NT5C2: variants seen among roughly 807,000 people sequenced by gnomAD.
NT5C2 encodes the protein 5'-nucleotidase, cytosolic II, also known as cytosolic purine 5'-nucleotidase.
NT5C2 carries 58 observed loss-of-function variants against 76.1 expected under a neutral mutation model. The ratio of observed to expected loss-of-function variants is 0.76; its 90% CI spans 0.62 to 0.95. The LOEUF is 0.95. NT5C2 is among the 40% of genes least tolerant of loss of function. The pLI is 0.00. For missense variants in NT5C2, 478 were observed against 690.3 expected, an observed-to-expected ratio of 0.69 and a Z score of 3.45; for synonymous variants, 229 against 237.4, an observed-to-expected ratio of 0.96 and a Z score of 0.32.
intron 4 of NT5C2, among the ~76,000 whole-genome samples, chr10:103,136,060 C>A (rs576992686): frequency 6.6e-6 from 1 of 152,272 alleles, no homozygotes; most frequent in Admixed American, 6.5e-5. Context: ...GCACTCCAGC[C>A]TGGGAGACAG....
chr10:103,130,585 A>T (rs1195245066), intron 4 of NT5C2, among the ~76,000 whole-genome samples: 19 of 88,256 alleles, frequency 2.2e-4, no homozygotes, highest in Non-Finnish European at 4.3e-4. Flanking sequence ...ATAAAAATTA[A>T]AAAAAAAAAA....
At chr10:103,133,331 G>A (rs746728008) in intron 4 of NT5C2, among the ~76,000 whole-genome samples, 2 of 151,866 alleles carry the variant, frequency 1.3e-5, no homozygotes, top group Admixed American at 6.6e-5. Context: ...GCAGTGGCAC[G>A]ATGTCAGCTC....
intron 4 of NT5C2, chr10:103,124,923 ATAATT>A (rs965579184): frequency 1.3e-5 from 2 of 149,212 alleles, no homozygotes; most frequent in African/African-American, 2.4e-5. Context: ...TATATTTAAT[ATAATT>A]TAACAGAAAA....
At chr10:103,133,360 C>A (rs889215288) in intron 4 of NT5C2, among the ~76,000 whole-genome samples, 1 of 152,152 alleles carries the variant, frequency 6.6e-6, no homozygotes, top group Admixed American at 6.5e-5. Context: ...CTCCACCTCC[C>A]GGGTTCAAGT....
intron 1 of NT5C2, among the ~76,000 whole-genome samples, chr10:103,191,314 G>A (rs1433942783): frequency 6.6e-6 from 1 of 151,504 alleles, no homozygotes; most frequent in African/African-American, 2.4e-5. Context: ...CCCGGGAGGT[G>A]GAGGTTGCAA....
intron 3 of NT5C2, among the ~76,000 whole-genome samples, chr10:103,150,056 A>G (rs1391761043): frequency 1.3e-5 from 2 of 152,176 alleles, no homozygotes; most frequent in Non-Finnish European, 2.9e-5. Flanking sequence ...TCATTCCTCC[A>G]CCAACTTTAC....
intron 3 of NT5C2, among the ~76,000 whole-genome samples, chr10:103,162,048 G>A (rs1182677783): frequency 2.6e-5 from 4 of 151,904 alleles, no homozygotes; most frequent in Admixed American, 1.3e-4. Context: ...AGACATTCTC[G>A]CTCTGTTGCC....
chr10:103,180,401 T>C (rs931380772), intron 2 of NT5C2, among the ~76,000 whole-genome samples: 9 of 152,306 alleles, frequency 5.9e-5, no homozygotes, highest in African/African-American at 2.2e-4. Context: ...TTGTAAGTAA[T>C]TGTCCAAGAG....
intron 1 of NT5C2, among the ~76,000 whole-genome samples, chr10:103,183,275 A>AATATATATATTTTATATATATATATAT (rs1554841646): frequency 9.5e-6 from 1 of 104,934 alleles, no homozygotes; most frequent in Non-Finnish European, 2.0e-5. Context: ...ATATATATAT[A>AATATATATATTTTATATATATATATAT]TATATATATA....
At chr10:103,188,760 G>A (rs779162547) in intron 1 of NT5C2, among the ~76,000 whole-genome samples, 7 of 152,130 alleles carry the variant, frequency 4.6e-5, no homozygotes, top group East Asian at 1.9e-4. Flanking sequence ...CCAGCACTTC[G>A]GGAGGCTGAG....
intron 4 of NT5C2, among the ~76,000 whole-genome samples, chr10:103,126,557 G>T (rs2076695554): frequency 1.3e-5 from 2 of 152,218 alleles, no homozygotes; most frequent in Non-Finnish European, 2.9e-5. Flanking sequence ...GGAAGGCGGA[G>T]GTTGCAGTGA....
intron 4 of NT5C2, among the ~76,000 whole-genome samples, chr10:103,116,721 A>C (rs1200983098): frequency 6.7e-6 from 1 of 148,282 alleles, no homozygotes; most frequent in Non-Finnish European, 1.5e-5. Context: ...GCTTACCAAC[A>C]TCCACCACCA....
intron 6 of NT5C2, among the ~76,000 whole-genome samples, chr10:103,103,769 C>T (rs2070420956): frequency 6.6e-6 from 1 of 152,172 alleles, no homozygotes; most frequent in African/African-American, 2.4e-5. Context: ...TCTTTTCCAG[C>T]CTTGTCTACC....
intron 3 of NT5C2, among the ~76,000 whole-genome samples, chr10:103,147,015 A>G (rs2081587589): frequency 6.6e-6 from 1 of 152,266 alleles, no homozygotes; most frequent in South Asian, 2.1e-4. Flanking sequence ...TGTTGAATGT[A>G]GTAATAAAAA....
In NT5C2 at chr10:103,091,005, A is replaced by G. The variant is rs767489035; in HGVS notation, c.1212-9T>C. 6.2e-7 allele frequency: 1 copy of G among 1,611,738 alleles called. No homozygotes were observed. Among genetic ancestry groups the G allele is most frequent in the South Asian group, 1.1e-5 (1 of 91,066 alleles). On this transcript the variant is annotated splice_polypyrimidine_tract_variant and intron_variant, in intron 16 of 18. Coordinates refer to ENST00000404739, the MANE Select transcript of NT5C2 (RefSeq NM_001351169.2). The stretch of plus-strand genomic sequence containing the variant: ...TACTGCTGTCAAGATGCCTAAAGAT[A>G]AAAGAAAAACTCAGTGAAAATCTCT...
At chr10:103,122,113 G>T (rs1300842454) in intron 4 of NT5C2, among the ~76,000 whole-genome samples, 1 of 152,202 alleles carries the variant, frequency 6.6e-6, no homozygotes, top group Admixed American at 6.5e-5. Context: ...GGAGGGGGTT[G>T]TAGTGAGCCG....
chr10:103,169,121 G>A (rs2134443665), intron 3 of NT5C2, among the ~76,000 whole-genome samples: 1 of 151,980 alleles, frequency 6.6e-6, no homozygotes, highest in Middle Eastern at 3.4e-3. Context: ...AATTGCAAAG[G>A]GATTAGATTT....
At position 103,089,597 on chromosome 10, in the gene NT5C2, A is replaced by T; in HGVS notation, c.*75T>A. The T allele has an allele frequency of 6.8e-7, 1 of 1,477,608 alleles. No homozygotes were observed. Among genetic ancestry groups the T allele is most frequent in the Non-Finnish European group, 9.0e-7 (1 of 1,113,334 alleles). 91.5% of individuals were successfully genotyped at this position (1,477,608 alleles called of 1,614,324 possible). On this transcript the variant is annotated 3_prime_UTR_variant, in exon 19 of 19. Coordinates refer to ENST00000404739, the MANE Select transcript of NT5C2 (RefSeq NM_001351169.2). ...CCCTCCCTCCCCCGAGTAGAACCCT[A>T]ACAGGGACCTCGTTTGTTCCTGTGA...
At chr10:103,183,636 A>G (rs1294060190) in intron 1 of NT5C2, among the ~76,000 whole-genome samples, 1 of 150,064 alleles carries the variant, frequency 6.7e-6, no homozygotes, top group Non-Finnish European at 1.5e-5. Context: ...ATATATATAC[A>G]TATACATACA....
Sources: gnomAD v4.1 joint callset for allele counts (sites outside exome capture counted in the v4.1 genomes callset) on GRCh38, gnomAD v4.1.1 for gene constraint, MANE v1.5 for transcripts, NCBI Gene and HGNC (gene_info 2026-07-23, HGNC 2026-07-21) for gene names.